Variants in SPAG16 observed in about 807,000 individuals in gnomAD.
SPAG16 encodes sperm-associated antigen 16 protein.
In SPAG16, 86 loss-of-function variants were observed where a neutral mutation model predicts 80.4. That is an observed-to-expected ratio of 1.07 (90% CI 0.90 to 1.28). The LOEUF is 1.28. Among genes scored for constraint, SPAG16 ranks in the 50% most tolerant of loss-of-function variants. The pLI is 0.00. For missense variants in SPAG16, 870 were observed against 765.3 expected, an observed-to-expected ratio of 1.14 and a Z score of -1.61; for synonymous variants, 294 against 265.9, an observed-to-expected ratio of 1.11 and a Z score of -1.03.
intron 5 of SPAG16, among the ~76,000 whole-genome samples, chr2:213,339,335 C>A (rs964710819): frequency 6.6e-6 from 1 of 152,166 alleles, no homozygotes; most frequent in Non-Finnish European, 1.5e-5. Flanking sequence ...GGTATCAGTC[C>A]ATTTTTCAGA....
At chr2:213,301,801 C>G (rs2062750607) in intron 3 of SPAG16, among the ~76,000 whole-genome samples, 1 of 152,110 alleles carries the variant, frequency 6.6e-6, no homozygotes, top group Non-Finnish European at 1.5e-5. Context: ...TTATCTTTGG[C>G]CCTTTCTCCG....
intron 10 of SPAG16, among the ~76,000 whole-genome samples, chr2:213,667,733 T>G (rs1285097373): frequency 6.6e-6 from 1 of 152,142 alleles, no homozygotes; most frequent in Non-Finnish European, 1.5e-5. Context: ...ATATTCCAAA[T>G]ATAGCAATAA....
chr2:213,350,823 A>G (rs759249462), intron 7 of SPAG16, among the ~76,000 whole-genome samples, 178 bp downstream of exon 7: 1 of 152,290 alleles, frequency 6.6e-6, no homozygotes, highest in Non-Finnish European at 1.5e-5. Context: ...AACTACCTAT[A>G]AAGATTATTA....
At chr2:214,002,338 A>G (rs1041345331) in intron 12 of SPAG16, among the ~76,000 whole-genome samples, 37 of 152,240 alleles carry the variant, frequency 2.4e-4, no homozygotes, top group Admixed American at 3.9e-4. Context: ...TGGATTAAAA[A>G]TAAATAAAAA....
At chr2:213,591,857 A>G (rs1429722723) in intron 10 of SPAG16, among the ~76,000 whole-genome samples, 2 of 152,194 alleles carry the variant, frequency 1.3e-5, no homozygotes, top group Non-Finnish European at 2.9e-5. Context: ...GGTATGGTGG[A>G]GGATGAGGAA....
chr2:213,493,008 C>T (rs1031440517), intron 10 of SPAG16, among the ~76,000 whole-genome samples: 3 of 151,980 alleles, frequency 2.0e-5, no homozygotes, highest in Admixed American at 6.6e-5. Flanking sequence ...AGACACCTTG[C>T]GAATCACAAA....
chr2:213,701,109 A>T (rs1574859045), intron 10 of SPAG16, among the ~76,000 whole-genome samples: 1 of 152,072 alleles, frequency 6.6e-6, no homozygotes, highest in Non-Finnish European at 1.5e-5. Flanking sequence ...GCATGGTGGC[A>T]CCTGCCTGTA....
rs539132779 is a variant in SPAG16 at position 214,075,474 on chromosome 2, G to A, written c.1528-32722G>A. Reference sequence around the variant, plus strand: ...GGCATGAAGGAGGCTTCTGGACGCCGTAATGATCTACAAGTCAACTTAGGT... The same window carrying A: ...GGCATGAAGGAGGCTTCTGGACGCCATAATGATCTACAAGTCAACTTAGGT... On this transcript the variant is annotated intron_variant, in intron 13 of 15. Coordinates refer to ENST00000331683, the MANE Select transcript of SPAG16 (RefSeq NM_024532.5). Among the ~76,000 whole-genome samples the A allele has an allele frequency of 5.5e-4, 83 of 152,240 alleles. 2 individuals carry two copies. In the Middle Eastern group the frequency reaches 0.024, roughly 44 times the overall value.
At chr2:213,686,042 C>T (rs937644847) in intron 10 of SPAG16, among the ~76,000 whole-genome samples, 1 of 152,168 alleles carries the variant, frequency 6.6e-6, no homozygotes, top group Non-Finnish European at 1.5e-5. Flanking sequence ...AGATAGTTAA[C>T]ATCCAATCAT....
At chr2:214,267,635 G>T (rs998516929) in intron 15 of SPAG16, among the ~76,000 whole-genome samples, 1 of 151,626 alleles carries the variant, frequency 6.6e-6, no homozygotes, top group Non-Finnish European at 1.5e-5. Flanking sequence ...AGCACCAAGA[G>T]AAAATAAAGA....
chr2:214,346,946 G>A (rs1698089939), intron 15 of SPAG16, among the ~76,000 whole-genome samples: 1 of 152,088 alleles, frequency 6.6e-6, no homozygotes, highest in Admixed American at 6.6e-5. Context: ...TCATAAAATG[G>A]TTATTTTAAG....
chr2:213,564,469 T>TG (rs2059696182), intron 10 of SPAG16, among the ~76,000 whole-genome samples: 1 of 147,518 alleles, frequency 6.8e-6, no homozygotes, highest in African/African-American at 2.5e-5. Context: ...CACTCCAGTC[T>TG]GGGGGACAGA....
intron 10 of SPAG16, among the ~76,000 whole-genome samples, chr2:213,640,178 G>A (rs919177866): frequency 2.0e-5 from 3 of 151,760 alleles, no homozygotes; most frequent in African/African-American, 7.3e-5. Flanking sequence ...ATTTAAGTTT[G>A]TTTTCTCCTT....
chr2:214,248,842 C>T (rs1485838171), intron 15 of SPAG16, among the ~76,000 whole-genome samples: 1 of 152,096 alleles, frequency 6.6e-6, no homozygotes, highest in East Asian at 1.9e-4. Flanking sequence ...AGGAAGGACT[C>T]TCAGATATAG....
In SPAG16 at chr2:214,069,193, T is replaced by A. The variant is rs146094555; in HGVS notation, c.1528-39003T>A. 2.6e-4 allele frequency among the ~76,000 whole-genome samples: 40 copies of A among 152,300 alleles called. No individual in the cohort carries two copies. The East Asian group carries it at 7.1e-3, about 27-fold the overall frequency. On this transcript the variant is annotated intron_variant, in intron 13 of 15. Transcript: ENST00000331683. ...TTTTTGCATATATTTTTATAAGGCTTGAGAATGGTTTTAATCATTCCGATA... is the reference window on the plus strand; with the variant it reads ...TTTTTGCATATATTTTTATAAGGCTAGAGAATGGTTTTAATCATTCCGATA...
At chr2:214,309,276 A>T (rs1453150382) in intron 15 of SPAG16, among the ~76,000 whole-genome samples, 1 of 151,984 alleles carries the variant, frequency 6.6e-6, no homozygotes, top group Admixed American at 6.6e-5. Context: ...TTTGTCTGTC[A>T]TCTCCCATAA....
At chr2:214,111,739 T>TATTG (rs141133275) in intron 14 of SPAG16, among the ~76,000 whole-genome samples, 146,692 of 152,094 alleles carry the variant, frequency 0.96, 70,881 homozygotes, top group Non-Finnish European at 0.99. Flanking sequence ...ATTTTCACAA[T>TATTG]ATTCTTCCTA....
intron 10 of SPAG16, among the ~76,000 whole-genome samples, chr2:213,686,155 G>A (rs1196052768): frequency 6.6e-6 from 1 of 152,100 alleles, no homozygotes; most frequent in African/African-American, 2.4e-5. Flanking sequence ...GTCTTGCTTT[G>A]TTGCCTAGCC....
intron 10 of SPAG16, among the ~76,000 whole-genome samples, chr2:213,610,377 CTT>C (rs539842325): frequency 6.6e-6 from 1 of 152,120 alleles, no homozygotes; most frequent in Non-Finnish European, 1.5e-5. Flanking sequence ...AAGTTTAACA[CTT>C]TTGAAAATCT....
Sources: allele counts gnomAD v4.1 joint callset (sites outside exome capture counted in the v4.1 genomes callset), GRCh38; gene constraint gnomAD v4.1.1; transcripts MANE v1.5; gene names NCBI Gene and HGNC (gene_info 2026-07-23, HGNC 2026-07-21).